The following ZPBP variants were observed in gnomAD, a reference collection of about 807,000 sequenced individuals.
ZPBP encodes the protein zona pellucida-binding protein 1.
ZPBP carries 26 observed loss-of-function variants against 44.8 expected under a neutral mutation model. That is an observed-to-expected ratio of 0.58 (90% confidence interval 0.43 to 0.81). ZPBP has a LOEUF of 0.81. ZPBP is among the 30% of genes least tolerant of loss of function. The pLI is 0.00. For synonymous variants in ZPBP, 174 were observed against 153.2 expected (o/e 1.14, Z -1.00); for missense variants, 409 against 434.0 (o/e 0.94, Z 0.51).
intron 7 of ZPBP, chr7:49,942,275 T>C: frequency 4.6e-6 from 1 of 216,570 alleles, no homozygotes; most frequent in Non-Finnish European, 9.2e-6. Flanking sequence ...TTTGTGTTTC[T>C]GCTTCAGTCC....
intron 6 of ZPBP, among the ~76,000 whole-genome samples, chr7:49,991,675 A>G (rs2128788489): frequency 6.6e-6 from 1 of 152,304 alleles, no homozygotes; most frequent in African/African-American, 2.4e-5. Context: ...AAATTATTAG[A>G]GAGGTAAACT....
chr7:49,894,530 T>G (rs1272364308), intron 2 of ZPBP, among the ~76,000 whole-genome samples: 1 of 152,254 alleles, frequency 6.6e-6, no homozygotes, highest in Non-Finnish European at 1.5e-5. Flanking sequence ...TGTGATACTT[T>G]TATTTCAGTA....
chr7:49,933,823 G>T (rs538463744), downstream of ZPBP, among the ~76,000 whole-genome samples: 236 of 148,516 alleles, frequency 1.6e-3, 2 homozygotes, highest in African/African-American at 5.4e-3. Flanking sequence ...AACACTGTAT[G>T]TTCTCACTCA....
chr7:50,070,410 G>A (rs551021759), intron 3 of ZPBP, among the ~76,000 whole-genome samples: 7 of 152,282 alleles, frequency 4.6e-5, no homozygotes, highest in South Asian at 2.1e-4. Context: ...CCCCGTACCT[G>A]GTTCTGCTGC....
At chr7:49,993,574 A>G (rs1224575585) in intron 6 of ZPBP, among the ~76,000 whole-genome samples, 3 of 152,242 alleles carry the variant, frequency 2.0e-5, no homozygotes, top group African/African-American at 7.2e-5. Flanking sequence ...AAATTTAAAA[A>G]TATGTGTAAC....
chr7:49,976,174 A>C (rs1311993131), intron 7 of ZPBP, among the ~76,000 whole-genome samples: 1 of 152,184 alleles, frequency 6.6e-6, no homozygotes, highest in Non-Finnish European at 1.5e-5. Context: ...TACATATTTT[A>C]AGCACATAAA....
chr7:49,883,070 G>A (rs1791740519), intron 2 of ZPBP, among the ~76,000 whole-genome samples: 1 of 152,052 alleles, frequency 6.6e-6, no homozygotes. Context: ...TTGAGACAGA[G>A]AAGCCAAGAC....
chr7:50,037,348 G>C (rs1448640875), intron 4 of ZPBP, among the ~76,000 whole-genome samples: 1 of 152,168 alleles, frequency 6.6e-6, no homozygotes, highest in Non-Finnish European at 1.5e-5. Context: ...ATGTCAGTAA[G>C]AACAGTGTAA....
At chr7:50,078,224 G>T (rs989034839) in intron 3 of ZPBP, among the ~76,000 whole-genome samples, 5 of 151,664 alleles carry the variant, frequency 3.3e-5, no homozygotes, top group Non-Finnish European at 1.5e-5. Context: ...ACAGTAGAAG[G>T]ATGGTTACCA....
chr7:50,087,699 T>A (rs920987543), intron 2 of ZPBP, among the ~76,000 whole-genome samples: 25 of 152,120 alleles, frequency 1.6e-4, no homozygotes, highest in African/African-American at 6.0e-4. Context: ...TAATAAAATA[T>A]TTAGGAGTAA....
chr7:50,019,243 T>C (rs1366964883), intron 5 of ZPBP, among the ~76,000 whole-genome samples: 1 of 152,054 alleles, frequency 6.6e-6, no homozygotes, highest in East Asian at 1.9e-4. Context: ...ATTTTGTTTT[T>C]CCCATAACTC....
intron 3 of ZPBP, among the ~76,000 whole-genome samples, chr7:50,074,328 G>A (rs1801982580): frequency 6.6e-6 from 1 of 151,876 alleles, no homozygotes; most frequent in African/African-American, 2.4e-5. Context: ...TATCATCAGA[G>A]AAAATCGCCT....
At chr7:49,976,883 A>C (rs903529644) in intron 7 of ZPBP, among the ~76,000 whole-genome samples, 9 of 152,004 alleles carry the variant, frequency 5.9e-5, no homozygotes, top group Non-Finnish European at 1.2e-4. Flanking sequence ...CGGGCGGATC[A>C]CGAGGTCAGG....
chr7:49,979,103 T>C (rs773534028), intron 7 of ZPBP, among the ~76,000 whole-genome samples: 3 of 151,938 alleles, frequency 2.0e-5, no homozygotes, highest in East Asian at 1.9e-4. Flanking sequence ...TTAAGCAAAA[T>C]TCCCCCCCAT....
At chr7:49,929,415 G>A (rs923509527) in intron 1 of ZPBP, among the ~76,000 whole-genome samples, 1 of 152,210 alleles carries the variant, frequency 6.6e-6, no homozygotes, top group African/African-American at 2.4e-5. Flanking sequence ...GCCTGTGAGT[G>A]TCTTAGGCCT....
chr7:49,954,116 C>G (rs1795468501), intron 7 of ZPBP, among the ~76,000 whole-genome samples: 1 of 152,004 alleles, frequency 6.6e-6, no homozygotes, highest in South Asian at 2.1e-4. Context: ...GACTATATAG[C>G]CCAATGGAAC....
At chr7:50,060,567 T>C (rs1419444591) in intron 3 of ZPBP, among the ~76,000 whole-genome samples, 3 of 152,060 alleles carry the variant, frequency 2.0e-5, no homozygotes, top group South Asian at 2.1e-4. Flanking sequence ...CCTAGAGAAA[T>C]GGATACATTC....
intron 4 of ZPBP, among the ~76,000 whole-genome samples, chr7:50,036,662 G>A (rs1016575543): frequency 5.3e-5 from 8 of 152,096 alleles, no homozygotes; most frequent in Non-Finnish European, 7.4e-5. Context: ...AGAAATCATA[G>A]TAAATATGAC....
intron 2 of ZPBP, among the ~76,000 whole-genome samples, chr7:49,889,265 T>C (rs1300260727): frequency 6.6e-6 from 1 of 152,272 alleles, no homozygotes; most frequent in Non-Finnish European, 1.5e-5. Flanking sequence ...GCCATTTTTC[T>C]GTTTTTCAAG....
Sources: allele counts gnomAD v4.1 joint callset (sites outside exome capture counted in the v4.1 genomes callset), GRCh38; gene constraint gnomAD v4.1.1; transcripts MANE v1.5; gene names NCBI Gene and HGNC (gene_info 2026-07-23, HGNC 2026-07-21).